POC1A: variants seen among roughly 807,000 people sequenced by gnomAD.
POC1A encodes the protein POC1 centriolar protein A.
In POC1A, 34 loss-of-function variants were observed where a neutral mutation model predicts 47.8. The observed-to-expected ratio is 0.71, with a 90% confidence interval of 0.54 to 0.95. The LOEUF is 0.95. POC1A is among the 40% of genes least tolerant of loss of function. The probability of loss-of-function intolerance (pLI) is 0.00; values close to 1 mark genes in which losing one functional copy is unlikely to be tolerated. For synonymous variants in POC1A, 177 were observed against 207.6 expected (o/e 0.85, Z 1.27); for missense variants, 466 against 528.3 (o/e 0.88, Z 1.16).
chr3:52,109,787 A>AT (rs1178108460), intron 9 of POC1A, among the ~76,000 whole-genome samples: 3 of 152,040 alleles, frequency 2.0e-5, no homozygotes, highest in Non-Finnish European at 2.9e-5. Context: ...ATCTATTCTG[A>AT]TTTTTTTTCC....
chr3:52,128,686 C>T (rs185662693), intron 7 of POC1A, among the ~76,000 whole-genome samples: 1 of 152,334 alleles, frequency 6.6e-6, no homozygotes, highest in African/African-American at 2.4e-5. Context: ...TCGGCCCCTG[C>T]TAACTTTCCA....
At chr3:52,108,224 A>G (rs991612431) in intron 9 of POC1A, among the ~76,000 whole-genome samples, 5 of 152,242 alleles carry the variant, frequency 3.3e-5, no homozygotes, top group Non-Finnish European at 5.9e-5. Context: ...TCTACAATGC[A>G]AAGTTACTAT....
At chr3:52,127,944 C>T (rs1164657452) in intron 7 of POC1A, among the ~76,000 whole-genome samples, 1 of 152,162 alleles carries the variant, frequency 6.6e-6, no homozygotes. Context: ...GATCCACCCT[C>T]CTCAGCCTCC....
rs760835141 is a variant in POC1A, at chr3:52,145,916, G to A, written c.609C>T (p.Ala203=). Residue 203 remains alanine, a synonymous_variant, in exon 6 of 11, where the codon GCC becomes GCT. Coordinates refer to ENST00000296484, the MANE Select transcript of POC1A (RefSeq NM_015426.5). ...VDFHPSGTCI[A]AAGMDNTVKV... is the part of the protein sequence containing the mutation. ...TCACTGTGTTGTCCATGCCGGCAGCGGCAATGCACGTCCCACTGGGGTGGA... is the reference window on the plus strand; with the variant it reads ...TCACTGTGTTGTCCATGCCGGCAGCAGCAATGCACGTCCCACTGGGGTGGA... 38 of 1,613,794 alleles carry A rather than the reference G, an allele frequency of 2.4e-5. No individual in the cohort carries two copies. The highest frequency in any genetic ancestry group is 6.7e-5 in the East Asian group (3 of 44,892).
chr3:52,138,342 C>A, intron 6 of POC1A, 40 bp from the exon 7 acceptor site: 1 of 1,584,286 alleles, frequency 6.3e-7, no homozygotes, highest in South Asian at 1.1e-5. Flanking sequence ...CTAGGAGGCA[C>A]AGGGAGCACA....
chr3:52,122,476 A>G lies in POC1A; in HGVS notation c.884T>C (p.Val295Ala). The change falls in exon 9 of 11, where the codon GTG (valine) becomes GCG (alanine). Residue 295 changes from valine to alanine, a missense_variant and splice_region_variant. Physicochemically the swap from Val to Ala is moderately conservative, Grantham distance 64. Transcript: ENST00000296484. ...YFASGGSDEQ[V>A]MVWKSNFDIV... ...ATCAAAGTTACTCTTCCAAACCATC[A>G]CCTGCCAAAACCAACAGGCACACCA... is the stretch of plus-strand genomic sequence containing the variant. 1 of 1,587,608 alleles carries G rather than the reference A, an allele frequency of 6.3e-7. No homozygotes were observed. Among genetic ancestry groups the G allele is most frequent in the Non-Finnish European group, 8.7e-7 (1 of 1,155,944 alleles).
chr3:52,077,199 C>T (rs191010239), intron 10 of POC1A, among the ~76,000 whole-genome samples: 71 of 152,370 alleles, frequency 4.7e-4, no homozygotes, highest in African/African-American at 1.6e-3. Flanking sequence ...CGGTACTGTG[C>T]AGCCCATAGG....
chr3:52,131,412 C>T (rs1704205524), intron 7 of POC1A, among the ~76,000 whole-genome samples: 1 of 152,142 alleles, frequency 6.6e-6, no homozygotes. Context: ...TCTGACAACC[C>T]AAGTCTGTAT....
intron 9 of POC1A, among the ~76,000 whole-genome samples, chr3:52,109,484 A>C (rs953596388): frequency 2.0e-5 from 3 of 151,830 alleles, no homozygotes; most frequent in Admixed American, 6.6e-5. Context: ...TTGTTTAATT[A>C]AAACAAACAA....
intron 9 of POC1A, among the ~76,000 whole-genome samples, chr3:52,099,112 T>C (rs1702913012): frequency 6.6e-6 from 1 of 152,112 alleles, no homozygotes; most frequent in South Asian, 2.1e-4. Context: ...GCTTTTTGCG[T>C]CACTTCCCCA....
chr3:52,128,955 C>T (rs990459007), intron 7 of POC1A, among the ~76,000 whole-genome samples: 4 of 152,146 alleles, frequency 2.6e-5, no homozygotes, highest in African/African-American at 9.7e-5. Flanking sequence ...GTGATTTCCC[C>T]TTCAGCCCAT....
chr3:52,112,844 AG>A (rs1703432440), intron 9 of POC1A, among the ~76,000 whole-genome samples: 1 of 152,204 alleles, frequency 6.6e-6, no homozygotes, highest in Non-Finnish European at 1.5e-5. Context: ...TCCCCTGCCC[AG>A]GATGCCATAG....
At chr3:52,141,314 A>G (rs1011956309) in intron 6 of POC1A, among the ~76,000 whole-genome samples, 7 of 152,238 alleles carry the variant, frequency 4.6e-5, no homozygotes, top group Non-Finnish European at 1.0e-4. Flanking sequence ...GGGCCCAGAG[A>G]AAGCCTGGGT....
chr3:52,085,053 A>G (rs1457059919), intron 10 of POC1A, among the ~76,000 whole-genome samples: 4 of 152,224 alleles, frequency 2.6e-5, no homozygotes, highest in African/African-American at 9.6e-5. Flanking sequence ...ACTGAGAGAA[A>G]GGAGAGGCAG....
At chr3:52,109,765 T>C (rs572497352) in intron 9 of POC1A, among the ~76,000 whole-genome samples, 7 of 152,268 alleles carry the variant, frequency 4.6e-5, no homozygotes, top group Non-Finnish European at 1.0e-4. Context: ...TAAGATAATC[T>C]CCATGGAAAC....
At chr3:52,116,575 C>G (rs1448202989) in intron 9 of POC1A, among the ~76,000 whole-genome samples, 1 of 152,146 alleles carries the variant, frequency 6.6e-6, no homozygotes, top group Non-Finnish European at 1.5e-5. Context: ...AATTTTGATG[C>G]CTGCAAGGGT....
At position 52,084,552 on chromosome 3, in the gene POC1A, C is replaced by G. The variant is rs1376515474; in HGVS notation, c.1126-8567G>C. Among the ~76,000 whole-genome samples the G allele has an allele frequency of 6.6e-6, 1 of 152,158 alleles. No individual in the cohort carries two copies. The highest frequency in any genetic ancestry group is 1.5e-5 in the Non-Finnish European group (1 of 67,984). ...GGCTGCGAGGAAAGCTACTCCACCA[C>G]CACTGACAGCAAAGAACATCTTAGG... On this transcript the variant is annotated intron_variant, in intron 10 of 10. Transcript: ENST00000296484. This position sits in a 1 kb window ranked among gnomAD's most constrained non-coding sequence, Gnocchi z 4.3.
At chr3:52,120,671 G>A (rs1452224232) in intron 9 of POC1A, among the ~76,000 whole-genome samples, 1 of 152,174 alleles carries the variant, frequency 6.6e-6, no homozygotes, top group Non-Finnish European at 1.5e-5. Context: ...CACACAGTGA[G>A]GGCCAGTGGG....
At position 52,084,488 on chromosome 3, in the gene POC1A, T is replaced by C. The variant is rs918114237; in HGVS notation, c.1126-8503A>G. 1.4e-4 allele frequency among the ~76,000 whole-genome samples: 21 copies of C among 152,208 alleles called. No homozygotes were observed. The highest frequency in any genetic ancestry group is 4.1e-4 in the African/African-American group (17 of 41,446). On this transcript the variant is annotated intron_variant, in intron 10 of 10. Coordinates refer to ENST00000296484, the MANE Select transcript of POC1A (RefSeq NM_015426.5). The surrounding 1 kb of genome is among the most constrained non-coding windows in gnomAD (Gnocchi z 4.3). ...ACAAGGGACCCTAGCTCTTGGGGGC[T>C]TCCGAGCACTGACACAGCTGCAGCA...
Sources: allele counts gnomAD v4.1 joint callset (sites outside exome capture counted in the v4.1 genomes callset), GRCh38; gene constraint gnomAD v4.1.1; non-coding constraint Gnocchi (gnomAD v3.1); transcripts MANE v1.5; gene names NCBI Gene and HGNC (gene_info 2026-07-23, HGNC 2026-07-21).